The following EEF2K variants were observed in gnomAD, a reference collection of about 807,000 sequenced individuals.
EEF2K encodes eukaryotic elongation factor 2 kinase.
Under a neutral mutation model 93.8 loss-of-function variants are expected in EEF2K, and 70 were observed. The ratio of observed to expected loss-of-function variants is 0.75; its 90% CI spans 0.62 to 0.91. The LOEUF (loss-of-function observed/expected upper bound fraction) is 0.91, where lower values mean the gene tolerates loss of function less well. Ranked by LOEUF, EEF2K falls within the 40% of genes least tolerant of loss-of-function variation. The pLI, the probability that EEF2K is intolerant of heterozygous loss-of-function variation, is 0.00. For synonymous variants in EEF2K, 376 were observed against 380.8 expected (o/e 0.99, Z 0.15); for missense variants, 935 against 972.9 (o/e 0.96, Z 0.52).
At chr16:22,212,952 T>A (rs1367822476) in intron 1 of EEF2K, among the ~76,000 whole-genome samples, 1 of 148,568 alleles carries the variant, frequency 6.7e-6, no homozygotes, top group Non-Finnish European at 1.5e-5. Flanking sequence ...CCAGCCTGGA[T>A]GAGAGATCAA....
intron 13 of EEF2K, 65 bp downstream of exon 13, chr16:22,264,945 TTCTCCTGTC>T: frequency 6.3e-7 from 1 of 1,578,794 alleles, no homozygotes; most frequent in Non-Finnish European, 8.7e-7. Flanking sequence ...CTGTTGCTGT[TTCTCCTGTC>T]TCATATCTCT....
intron 7 of EEF2K, 151 bp downstream of exon 7, chr16:22,257,048 C>T: frequency 7.1e-7 from 1 of 1,406,502 alleles, no homozygotes; most frequent in Non-Finnish European, 9.5e-7. Flanking sequence ...GACCCGTCAC[C>T]CCATGACAGC....
At chr16:22,218,708 C>T (rs754895198) in intron 1 of EEF2K, among the ~76,000 whole-genome samples, 4 of 152,186 alleles carry the variant, frequency 2.6e-5, no homozygotes, top group East Asian at 1.9e-4. Flanking sequence ...GTTGAGTTCA[C>T]GGAGTGAGTA....
rs2047609530 is a variant in EEF2K, at chr16:22,273,891, T to A, written c.1889+141T>A. On this transcript the variant is annotated intron_variant, in intron 16 of 17. Transcript: ENST00000263026. ...GCAACCATGGGCAACTTATTTTACC[T>A]CCCTGGCCTCAGTTTCTTCATATTG... The A allele has an allele frequency of 4.0e-6, 5 of 1,245,846 alleles. No individual in the cohort carries two copies. The South Asian group carries it at 7.8e-5, about 20-fold the overall frequency. 77.2% of individuals were successfully genotyped at this position (1,245,846 alleles called of 1,614,324 possible). A position where few individuals can be genotyped will look rare whatever the true frequency, so the allele number is the denominator to read the frequency against.
At chr16:22,251,552 C>T (rs2047352652) in intron 6 of EEF2K, among the ~76,000 whole-genome samples, 2 of 152,026 alleles carry the variant, frequency 1.3e-5, no homozygotes, top group Non-Finnish European at 2.9e-5. Context: ...ACCCCAGTAG[C>T]TGGGATTACA....
At chr16:22,241,694 C>T (rs1393314492) in intron 2 of EEF2K, among the ~76,000 whole-genome samples, 3 of 147,760 alleles carry the variant, frequency 2.0e-5, no homozygotes, top group Admixed American at 1.4e-4. Context: ...AATTAGTCTA[C>T]GGCATTGCTC....
intron 6 of EEF2K, among the ~76,000 whole-genome samples, chr16:22,255,742 CTA>C (rs1209356026): frequency 6.6e-6 from 1 of 151,832 alleles, no homozygotes; most frequent in Non-Finnish European, 1.5e-5. Flanking sequence ...GACCTCGTCT[CTA>C]TAAAAAAATT....
chr16:22,207,564 G>A (rs558124764), intron 1 of EEF2K, among the ~76,000 whole-genome samples: 1 of 152,022 alleles, frequency 6.6e-6, no homozygotes, highest in African/African-American at 2.4e-5. Flanking sequence ...TCAGGTGCTT[G>A]GAACAGTGCC....
chr16:22,283,733 C>A (rs1191477269), intron 17 of EEF2K, among the ~76,000 whole-genome samples, 154 bp from the exon 18 acceptor site: 1 of 152,090 alleles, frequency 6.6e-6, no homozygotes, highest in Non-Finnish European at 1.5e-5. Context: ...CTTTAGAGCC[C>A]CGCCCGGAAC....
chr16:22,249,112 A>G (rs754361404), intron 4 of EEF2K, among the ~76,000 whole-genome samples: 4 of 151,308 alleles, frequency 2.6e-5, no homozygotes, highest in Non-Finnish European at 5.9e-5. Context: ...CAGGACCACA[A>G]GTACACACCA....
chr16:22,257,921 C>A, intron 9 of EEF2K, 151 bp downstream of exon 9: 1 of 1,209,530 alleles, frequency 8.3e-7, no homozygotes, highest in Non-Finnish European at 1.1e-6. Context: ...CATGCCCCAG[C>A]CCGTCCCCTC....
chr16:22,231,249 T>C (rs2047111941), intron 2 of EEF2K, among the ~76,000 whole-genome samples: 1 of 151,632 alleles, frequency 6.6e-6, no homozygotes, highest in Non-Finnish European at 1.5e-5. Context: ...CCACCACGCC[T>C]TGCTAATTTT....
chr16:22,210,474 C>T (rs908523297), intron 1 of EEF2K, among the ~76,000 whole-genome samples: 1 of 152,164 alleles, frequency 6.6e-6, no homozygotes, highest in African/African-American at 2.4e-5. Flanking sequence ...ATTTGCATTA[C>T]CAGCAAGTTG....
At chr16:22,226,169 G>C (rs961226460) in intron 2 of EEF2K, among the ~76,000 whole-genome samples, 194 bp downstream of exon 2, 1 of 152,120 alleles carries the variant, frequency 6.6e-6, no homozygotes, top group East Asian at 1.9e-4. Flanking sequence ...TTGGAACTGG[G>C]TGTTTTTCAA....
Position 22,236,806 on chromosome 16 carries a change from G to A in EEF2K, c.247-7824G>A, listed in dbSNP as rs1332587488. 2.7e-5 allele frequency among the ~76,000 whole-genome samples: 4 copies of A among 149,048 alleles called. No homozygotes were observed. In the Admixed American group the frequency reaches 2.7e-4, roughly 10 times the overall value. On this transcript the variant is annotated intron_variant, in intron 2 of 17. Transcript: ENST00000263026. ...TTATTATTTCCATCTCCCTTTCCTGGTATATAATTATTATGATTTCACTAT... is the reference window on the plus strand; with the variant it reads ...TTATTATTTCCATCTCCCTTTCCTGATATATAATTATTATGATTTCACTAT...
At position 22,263,156 on chromosome 16, in the gene EEF2K, G is replaced by A. The variant is rs1461922863; in HGVS notation, c.1346G>A (p.Gly449Asp). 6.2e-7 allele frequency: 1 copy of A among 1,612,956 alleles called. No individual in the cohort carries two copies. The highest frequency in any genetic ancestry group is 1.7e-5 in the Admixed American group (1 of 59,896). ...GDSGYPSEKR[G>D]ELDDPEPREH... ...AGCGGATACCCCAGTGAGAAGCGGGGTGAGCTGGATGACCCTGAGCCCCGA... is the reference window on the plus strand; with the variant it reads ...AGCGGATACCCCAGTGAGAAGCGGGATGAGCTGGATGACCCTGAGCCCCGA... Residue 449 changes from glycine (G) to aspartate (D), a missense_variant, in exon 12 of 18, where the codon GGT becomes GAT. By Grantham distance (94) the Gly-to-Asp change is moderately conservative. Coordinates refer to ENST00000263026, the MANE Select transcript of EEF2K (RefSeq NM_013302.5).
chr16:22,269,398 C>T (rs2047555102), intron 15 of EEF2K, among the ~76,000 whole-genome samples: 1 of 151,954 alleles, frequency 6.6e-6, no homozygotes, highest in Non-Finnish European at 1.5e-5. Context: ...AGTGTGACCT[C>T]ATCTTAATAT....
intron 10 of EEF2K, 101 bp downstream of exon 10, chr16:22,258,796 C>A: frequency 6.7e-7 from 1 of 1,494,546 alleles, no homozygotes; most frequent in South Asian, 1.2e-5. Flanking sequence ...ACATGCTAAT[C>A]GAAAAGGTTC....
chr16:22,215,163 A>C (rs918950921), intron 1 of EEF2K, among the ~76,000 whole-genome samples: 5 of 152,160 alleles, frequency 3.3e-5, no homozygotes, highest in African/African-American at 1.2e-4. Flanking sequence ...GACCAATCAG[A>C]GGTAACTTCA....
Sources: allele counts gnomAD v4.1 joint callset (sites outside exome capture counted in the v4.1 genomes callset), GRCh38; gene constraint gnomAD v4.1.1; transcripts MANE v1.5; gene names NCBI Gene and HGNC (gene_info 2026-07-23, HGNC 2026-07-21).